SLC25A26: variants seen among roughly 807,000 people sequenced by gnomAD.
SLC25A26 encodes solute carrier family 25 member 26.
SLC25A26 carries 36 observed loss-of-function variants against 37.8 expected under a neutral mutation model. The observed-to-expected ratio is 0.95, with a 90% confidence interval of 0.73 to 1.26. The LOEUF (loss-of-function observed/expected upper bound fraction) is 1.26. Among genes scored for constraint, SLC25A26 ranks in the 50% most tolerant of loss-of-function variants. SLC25A26 has a pLI of 0.00. For missense variants in SLC25A26, 390 were observed against 331.1 expected, an observed-to-expected ratio of 1.18 and a Z score of -1.38; for synonymous variants, 129 against 122.5, an observed-to-expected ratio of 1.05 and a Z score of -0.35.
At chr3:66,341,979 C>T (rs2076219897) in intron 5 of SLC25A26, among the ~76,000 whole-genome samples, 1 of 151,874 alleles carries the variant, frequency 6.6e-6, no homozygotes, top group Non-Finnish European at 1.5e-5. Flanking sequence ...TCTTCAACTT[C>T]ATTTGTCCTT....
chr3:66,175,341 C>G (rs1209779014), intron 1 of SLC25A26, among the ~76,000 whole-genome samples: 1 of 151,962 alleles, frequency 6.6e-6, no homozygotes. Context: ...TCTCCTGCCT[C>G]AGCCTCCTGA....
At chr3:66,285,220 A>G (rs1042869238) in intron 5 of SLC25A26, among the ~76,000 whole-genome samples, 1 of 148,338 alleles carries the variant, frequency 6.7e-6, no homozygotes, top group African/African-American at 2.6e-5. Flanking sequence ...TGAGGTATAT[A>G]AAAATACTTT....
chr3:66,254,473 A>G (rs782133586), intron 3 of SLC25A26, among the ~76,000 whole-genome samples: 1 of 152,232 alleles, frequency 6.6e-6, no homozygotes, highest in Admixed American at 6.5e-5. Context: ...GGAAAGTCCA[A>G]AGCAGCTTTT....
intron 2 of SLC25A26, among the ~76,000 whole-genome samples, chr3:66,241,820 GC>G (rs992347036): frequency 1.3e-5 from 2 of 152,214 alleles, no homozygotes; most frequent in African/African-American, 4.8e-5. Flanking sequence ...TTGGGGTGGG[GC>G]TAGAGGGAAA....
chr3:66,235,698 T>C (rs2072244577), intron 1 of SLC25A26, among the ~76,000 whole-genome samples: 1 of 152,156 alleles, frequency 6.6e-6, no homozygotes, highest in Admixed American at 6.5e-5. Context: ...GATAAATCGT[T>C]AAAAAAAGTA....
intron 5 of SLC25A26, among the ~76,000 whole-genome samples, chr3:66,345,179 C>G (rs755931225): frequency 6.6e-6 from 1 of 152,136 alleles, no homozygotes; most frequent in Non-Finnish European, 1.5e-5. Flanking sequence ...ACTCTCCTCC[C>G]TAGCTGTGCC....
At position 66,263,661 on chromosome 3, in the gene SLC25A26, T is replaced by TTTTG. The variant is rs35586156; in HGVS notation, c.453+290_453+293dup. Among the ~76,000 whole-genome samples the TTTTG allele has an allele frequency of 0.34, 51,158 of 151,346 alleles. 9,013 individuals carry two copies. The highest frequency in any genetic ancestry group is 0.44 in the African/African-American group (18,011 of 41,160). On this transcript the variant is annotated intron_variant, in intron 5 of 9. Transcript: ENST00000354883. ...AAATGTCTCTTATAGTTGAAGTATT[T>TTTTG]TTTGTTTGTTTTTTTGAAATGCAGT...
chr3:66,374,725 A>G (rs190420549), intron 9 of SLC25A26, among the ~76,000 whole-genome samples: 1 of 152,308 alleles, frequency 6.6e-6, no homozygotes, highest in Non-Finnish European at 1.5e-5. Context: ...TACAAAAAAT[A>G]CAAAAATTAG....
intron 5 of SLC25A26, among the ~76,000 whole-genome samples, chr3:66,286,353 T>G (rs962071530): frequency 1.3e-5 from 2 of 152,182 alleles, no homozygotes; most frequent in Non-Finnish European, 2.9e-5. Flanking sequence ...TATAATCCAT[T>G]TTGAGTTGAT....
chr3:66,305,370 G>T (rs55948668), intron 5 of SLC25A26, among the ~76,000 whole-genome samples: 2 of 151,980 alleles, frequency 1.3e-5, no homozygotes, highest in Non-Finnish European at 2.9e-5. Flanking sequence ...TATAAAAAAT[G>T]GAATTCCTGG....
chr3:66,331,657 G>T (rs1248260332), intron 5 of SLC25A26, among the ~76,000 whole-genome samples: 1 of 151,844 alleles, frequency 6.6e-6, no homozygotes, highest in Non-Finnish European at 1.5e-5. Flanking sequence ...TTTATTTTGG[G>T]TTTCTTTTTT....
chr3:66,224,531 A>G (rs2071648854), intron 1 of SLC25A26, among the ~76,000 whole-genome samples: 1 of 152,182 alleles, frequency 6.6e-6, no homozygotes, highest in Non-Finnish European at 1.5e-5. Flanking sequence ...CCCACAACAC[A>G]TTGGAATTAT....
chr3:66,295,246 C>T (rs1027435723), intron 5 of SLC25A26, among the ~76,000 whole-genome samples: 4 of 151,898 alleles, frequency 2.6e-5, no homozygotes, highest in African/African-American at 4.8e-5. Context: ...TTTTTTGAGA[C>T]GGAGTCCCGC....
intron 1 of SLC25A26, among the ~76,000 whole-genome samples, chr3:66,143,961 C>T (rs1415247519): frequency 2.6e-5 from 4 of 152,090 alleles, no homozygotes. Flanking sequence ...GGCACAGTGT[C>T]CTGAGAGACT....
At chr3:66,172,578 G>C (rs2070517745) in intron 1 of SLC25A26, among the ~76,000 whole-genome samples, 1 of 152,186 alleles carries the variant, frequency 6.6e-6, no homozygotes, top group Non-Finnish European at 1.5e-5. Context: ...AAGTGCCATA[G>C]CCACAGCCTG....
chr3:66,264,155 C>G (rs1408461185), intron 5 of SLC25A26, among the ~76,000 whole-genome samples: 6 of 151,940 alleles, frequency 3.9e-5, no homozygotes, highest in African/African-American at 1.4e-4. Context: ...ACCTGTAATC[C>G]CAGTTACTCG....
chr3:66,267,927 T>C (rs2073818809), intron 5 of SLC25A26, among the ~76,000 whole-genome samples: 1 of 152,224 alleles, frequency 6.6e-6, no homozygotes, highest in Non-Finnish European at 1.5e-5. Flanking sequence ...CGTCAAGGAC[T>C]GCCCTCCAAA....
intron 1 of SLC25A26, among the ~76,000 whole-genome samples, chr3:66,159,834 G>A (rs537649589): frequency 8.2e-4 from 125 of 152,170 alleles, no homozygotes; most frequent in Middle Eastern, 3.4e-3. Flanking sequence ...CAGGTCCCAG[G>A]CAACCCTGAA....
At chr3:66,269,221 G>A (rs540140497) in intron 5 of SLC25A26, among the ~76,000 whole-genome samples, 34 of 152,266 alleles carry the variant, frequency 2.2e-4, no homozygotes, top group South Asian at 8.3e-4. Context: ...TAGGAGATTC[G>A]GAAATTAAAC....
Sources: allele counts gnomAD v4.1 joint callset (sites outside exome capture counted in the v4.1 genomes callset), GRCh38; gene constraint gnomAD v4.1.1; transcripts MANE v1.5; gene names NCBI Gene and HGNC (gene_info 2026-07-23, HGNC 2026-07-21).